Variants in CD300LD observed in about 807,000 individuals in gnomAD.
CD300LD encodes the protein CMRF35-like molecule 5.
A neutral mutation model predicts 20.3 loss-of-function variants in CD300LD; 18 were observed. The observed-to-expected ratio is 0.89, with a 90% confidence interval of 0.61 to 1.32. The LOEUF (loss-of-function observed/expected upper bound fraction) is 1.32, where lower values mean the gene tolerates loss of function less well. Ranked by LOEUF, CD300LD falls within the 40% of genes most tolerant of loss-of-function variation. CD300LD has a pLI of 0.00. For missense variants in CD300LD, 195 were observed against 226.6 expected (o/e 0.86, Z 0.90); for synonymous variants, 104 against 90.1 (o/e 1.15, Z -0.87).
rs537443589 is a variant in CD300LD at position 74,584,046 on chromosome 17, C to T, written c.380-1735G>A. Among the ~76,000 whole-genome samples, 23 of 152,250 alleles carry T rather than the reference C, an allele frequency of 1.5e-4. No homozygotes were observed. The East Asian group carries it at 3.5e-3, about 23-fold the overall frequency. ...CTGGGATTACAGGCGTGAACCACCA[C>T]GCCCAGCCTGTATTTCACATTTTTA... is the stretch of plus-strand genomic sequence containing the variant. On this transcript the variant is annotated intron_variant, in intron 2 of 3. Coordinates refer to ENST00000375352, the MANE Select transcript of CD300LD (RefSeq NM_001115152.2).
intron 2 of CD300LD, among the ~76,000 whole-genome samples, chr17:74,587,851 GA>G (rs55690514): frequency 0.064 from 9,560 of 149,194 alleles, 400 homozygotes; most frequent in East Asian, 0.19. Context: ...GCTGTGCAGA[GA>G]AAAAAAAAAT....
chr17:74,582,409 T>C (rs565208691), intron 2 of CD300LD, 98 bp from the exon 3 acceptor site: 8 of 878,480 alleles, frequency 9.1e-6, no homozygotes, highest in Admixed American at 7.9e-5. Flanking sequence ...AAGGAGCCTC[T>C]GCCTTGGGGT....
intron 2 of CD300LD, among the ~76,000 whole-genome samples, chr17:74,582,815 C>G (rs1248741972): frequency 6.6e-6 from 1 of 152,162 alleles, no homozygotes; most frequent in East Asian, 1.9e-4. Flanking sequence ...CTCCCTACCC[C>G]TGTTGAAGTC....
rs188657027 is a variant in CD300LD, at chr17:74,579,463, C to T, written c.*539G>A. Reference sequence around the variant, plus strand: ...CAGAAGGAAGAAGGGCTCTGTCAGGCCCCAGGGACTGTGCAGAGAAGGGAA... The same window carrying T: ...CAGAAGGAAGAAGGGCTCTGTCAGGTCCCAGGGACTGTGCAGAGAAGGGAA... On this transcript the variant is annotated 3_prime_UTR_variant, in exon 4 of 4. Coordinates refer to ENST00000375352, the MANE Select transcript of CD300LD (RefSeq NM_001115152.2). The T allele has an allele frequency of 6.5e-6, 1 of 152,766 alleles. No homozygotes were observed. Among genetic ancestry groups the T allele is most frequent in the East Asian group, 1.9e-4 (1 of 5,188 alleles). The allele number at this position is 152,766 out of a possible 1,614,324, so 9.5% of individuals were successfully genotyped here.
chr17:74,591,038 G>A (rs1054997261), intron 1 of CD300LD, among the ~76,000 whole-genome samples: 3 of 147,456 alleles, frequency 2.0e-5, no homozygotes, highest in Admixed American at 2.0e-4. Flanking sequence ...TCCCAGCACT[G>A]TACTCCAGAT....
intron 1 of CD300LD, among the ~76,000 whole-genome samples, chr17:74,591,277 T>A (rs1209465107): frequency 2.0e-5 from 3 of 146,900 alleles, no homozygotes; most frequent in Non-Finnish European, 3.0e-5. Flanking sequence ...AAAATAATAA[T>A]AATAATAATA....
rs750645650 is a variant in CD300LD, at chr17:74,580,107, C to T, written c.480G>A (p.Pro160=). The T allele has an allele frequency of 2.1e-5, 34 of 1,608,146 alleles. No individual in the cohort carries two copies. Among genetic ancestry groups the T allele is most frequent in the East Asian group, 1.8e-4 (8 of 44,720 alleles). ...QKTSSPLTRS[P]LKSTHFLFLF... The stretch of plus-strand genomic sequence containing the variant: ...GGAACAGGAAGTGGGTGCTCTTGAG[C>T]GGGGACCTGTGGGAACACGGTGACA... Residue 160 remains proline, a synonymous_variant, in exon 4 of 4, where the codon CCG becomes CCA. Transcript: ENST00000375352.
intron 1 of CD300LD, 77 bp from the exon 2 acceptor site, chr17:74,588,926 G>A (rs987265594): frequency 3.0e-6 from 3 of 996,882 alleles, no homozygotes; most frequent in Middle Eastern, 2.2e-4. Flanking sequence ...GGGAGTAGCA[G>A]CCAAATCCAA....
At chr17:74,582,891 C>T (rs1015100839) in intron 2 of CD300LD, among the ~76,000 whole-genome samples, 6 of 152,202 alleles carry the variant, frequency 3.9e-5, no homozygotes, top group Admixed American at 6.5e-5. Flanking sequence ...ACCCTACTCA[C>T]GCTGACGGTG....
intron 2 of CD300LD, among the ~76,000 whole-genome samples, chr17:74,587,163 T>A (rs1297086881): frequency 6.7e-6 from 1 of 149,570 alleles, no homozygotes; most frequent in Non-Finnish European, 1.5e-5. Flanking sequence ...AAAAAAAAAA[T>A]TGATATTATC....
At chr17:74,588,434 A>C (rs778419738) in intron 2 of CD300LD, 77 bp downstream of exon 2, 28 of 914,238 alleles carry the variant, frequency 3.1e-5, no homozygotes, top group Non-Finnish European at 4.7e-5. Context: ...GTGACAGTTA[A>C]TTTACTCAAG....
chr17:74,584,161 A>G (rs1440313334), intron 2 of CD300LD, among the ~76,000 whole-genome samples: 1 of 152,232 alleles, frequency 6.6e-6, no homozygotes, highest in Non-Finnish European at 1.5e-5. Flanking sequence ...CTGTGTGAAC[A>G]TAAAACTTTC....
intron 1 of CD300LD, among the ~76,000 whole-genome samples, chr17:74,591,533 T>C (rs183884744): frequency 2.0e-5 from 3 of 152,220 alleles, no homozygotes; most frequent in Non-Finnish European, 1.5e-5. Flanking sequence ...TCAGCCATTT[T>C]ACCCCTAGAT....
chr17:74,592,083 C>T (rs765083368), intron 1 of CD300LD, 80 bp downstream of exon 1: 15 of 1,613,204 alleles, frequency 9.3e-6, no homozygotes, highest in Non-Finnish European at 1.1e-5. Context: ...CCTGACATGT[C>T]TCCTTCCTGA....
downstream of CD300LD, chr17:74,579,290 C>T (rs1442277795): frequency 6.6e-6 from 1 of 152,180 alleles, no homozygotes; most frequent in Non-Finnish European, 1.5e-5. Context: ...CCATTATTGA[C>T]TGGAGACTTG....
intron 1 of CD300LD, among the ~76,000 whole-genome samples, chr17:74,590,238 C>T (rs867991215): frequency 4.6e-5 from 7 of 152,266 alleles, no homozygotes; most frequent in Middle Eastern, 3.4e-3. Context: ...CCATATAATA[C>T]ATGCCTTTCA....
rs1320894438 is a variant in CD300LD, at chr17:74,588,868, T to C, written c.41-19A>G. 1 of 1,582,344 alleles carries C rather than the reference T, an allele frequency of 6.3e-7. No individual in the cohort carries two copies. Among genetic ancestry groups the C allele is most frequent in the East Asian group, 2.2e-5 (1 of 44,458 alleles). ...GAGTAACCTGGAAAACGCAAATTCA[T>C]GTGTCGTCACCTCCCACCCCAAGGG... On this transcript the variant is annotated intron_variant, in intron 1 of 3. Transcript: ENST00000375352.
chr17:74,582,317 C>T lies in CD300LD; in HGVS notation c.380-6G>A. The T allele has an allele frequency of 6.2e-7, 1 of 1,612,580 alleles. No individual in the cohort carries two copies. Among genetic ancestry groups the T allele is most frequent in the Non-Finnish European group, 8.5e-7 (1 of 1,178,926 alleles). ...TGAGACTGCAGTTTGTGTGCCTAAA[C>T]ATACAAAGCAGAACACGGTTCACCC... On this transcript the variant is annotated splice_region_variant and splice_polypyrimidine_tract_variant and intron_variant, in intron 2 of 3. Transcript: ENST00000375352.
chr17:74,580,152 G>A (rs1316260765), intron 3 of CD300LD, 39 bp from the exon 4 acceptor site: 1 of 1,347,406 alleles, frequency 7.4e-7, no homozygotes, highest in Non-Finnish European at 1.0e-6. Context: ...CTGCCTCCTG[G>A]GTCAGAGGTC....
Sources: gnomAD v4.1 joint callset for allele counts (sites outside exome capture counted in the v4.1 genomes callset) on GRCh38, gnomAD v4.1.1 for gene constraint, MANE v1.5 for transcripts, NCBI Gene and HGNC (gene_info 2026-07-23, HGNC 2026-07-21) for gene names.